MORC3: variants seen among roughly 807,000 people sequenced by gnomAD.
The protein encoded by MORC3 is MORC family CW-type zinc finger 3, also known as MORC family CW-type zinc finger protein 3.
MORC3 carries 31 observed loss-of-function variants against 109.1 expected under a neutral mutation model. The ratio of observed to expected loss-of-function variants is 0.28; its 90% CI spans 0.21 to 0.38. The LOEUF is 0.38. Among genes scored for constraint, MORC3 ranks in the 10% least tolerant of loss-of-function variants. The probability of loss-of-function intolerance (pLI) is 1.00; values close to 1 mark genes in which losing one functional copy is unlikely to be tolerated. For missense variants in MORC3, 867 were observed against 1,135.8 expected, an observed-to-expected ratio of 0.76 and a Z score of 3.40; for synonymous variants, 395 against 380.7, an observed-to-expected ratio of 1.04 and a Z score of -0.44.
intron 1 of MORC3, among the ~76,000 whole-genome samples, chr21:36,325,577 A>G (rs1460026113): frequency 6.6e-6 from 1 of 152,210 alleles, no homozygotes; most frequent in Admixed American, 6.5e-5. Flanking sequence ...CTTGTTGGGA[A>G]ACTAAAACCC....
chr21:36,348,796 G>C (rs1216985338), intron 8 of MORC3, among the ~76,000 whole-genome samples: 6 of 152,148 alleles, frequency 3.9e-5, no homozygotes, highest in Non-Finnish European at 8.8e-5. Flanking sequence ...TTTTGAGGAA[G>C]GCTCTAGTGT....
chr21:36,370,612 CATATATATATAT>C (rs1182720624), intron 15 of MORC3, among the ~76,000 whole-genome samples: 2 of 46,162 alleles, frequency 4.3e-5, no homozygotes, highest in African/African-American at 2.2e-4. Flanking sequence ...TACATACATA[CATATATATATAT>C]ATATATATAT....
intron 2 of MORC3, among the ~76,000 whole-genome samples, chr21:36,334,823 T>A (rs1421610293): frequency 6.6e-6 from 1 of 152,166 alleles, no homozygotes; most frequent in African/African-American, 2.4e-5. Context: ...TCATGATTTT[T>A]TTCTTGGGAA....
chr21:36,321,733 C>A (rs1370481300), intron 1 of MORC3, among the ~76,000 whole-genome samples: 1 of 152,100 alleles, frequency 6.6e-6, no homozygotes, highest in Non-Finnish European at 1.5e-5. Context: ...CCCCACTTCT[C>A]TCTCCTTCCT....
chr21:36,333,997 C>T (rs1445722731), intron 2 of MORC3, among the ~76,000 whole-genome samples: 2 of 151,870 alleles, frequency 1.3e-5, no homozygotes, highest in Non-Finnish European at 2.9e-5. Context: ...CTGTGTTAGC[C>T]AGGATGGTCT....
chr21:36,330,165 G>A (rs2085299104), intron 1 of MORC3, among the ~76,000 whole-genome samples: 1 of 151,912 alleles, frequency 6.6e-6, no homozygotes, highest in African/African-American at 2.4e-5. Flanking sequence ...CCCGTCCTGA[G>A]CCACCGCACC....
chr21:36,327,155 C>A (rs143644311), intron 1 of MORC3, among the ~76,000 whole-genome samples: 33 of 81,942 alleles, frequency 4.0e-4, no homozygotes, highest in Non-Finnish European at 6.1e-4. Flanking sequence ...GGCTTTATTT[C>A]TTTTTTTTTT....
intron 1 of MORC3, among the ~76,000 whole-genome samples, chr21:36,330,350 A>T (rs554948258): frequency 6.6e-6 from 1 of 152,248 alleles, no homozygotes; most frequent in East Asian, 1.9e-4. Context: ...TCTTAACCCA[A>T]ACATTTCCTC....
chr21:36,353,331 T>G (rs1451870438), intron 9 of MORC3, among the ~76,000 whole-genome samples: 1 of 131,854 alleles, frequency 7.6e-6, no homozygotes, highest in Non-Finnish European at 1.5e-5. Flanking sequence ...CATTCCAGTT[T>G]GGTGACAGAG....
chr21:36,331,918 T>A (rs1458284536), intron 1 of MORC3, among the ~76,000 whole-genome samples: 1 of 151,990 alleles, frequency 6.6e-6, no homozygotes, highest in Admixed American at 6.6e-5. Context: ...TGTGGGAGGA[T>A]CACTTGAGGC....
At chr21:36,336,074 C>T (rs1418847256) in intron 2 of MORC3, among the ~76,000 whole-genome samples, 4 of 151,300 alleles carry the variant, frequency 2.6e-5, no homozygotes, top group Non-Finnish European at 4.4e-5. Flanking sequence ...TATAGGTGCC[C>T]GCCACCATGC....
chr21:36,354,591 C>T (rs2085624482), intron 9 of MORC3, among the ~76,000 whole-genome samples: 1 of 152,170 alleles, frequency 6.6e-6, no homozygotes, highest in Non-Finnish European at 1.5e-5. Context: ...GCGTGAGCCA[C>T]CGTGCCCAGT....
intron 1 of MORC3, among the ~76,000 whole-genome samples, chr21:36,327,302 G>A (rs777012317): frequency 2.0e-5 from 3 of 150,896 alleles, no homozygotes; most frequent in Admixed American, 1.3e-4. Context: ...GATTACAGGC[G>A]CTCACCACCA....
Position 36,364,199 on chromosome 21 carries a change from A to G in MORC3, c.1559A>G (p.Tyr520Cys). The G allele has an allele frequency of 6.2e-7, 1 of 1,614,178 alleles. No individual in the cohort carries two copies. The highest frequency in any genetic ancestry group is 8.5e-7 in the Non-Finnish European group (1 of 1,180,016). Residue 520 changes from tyrosine to cysteine, a missense_variant, in exon 14 of 17, where the codon TAT (tyrosine) becomes TGT (cysteine). By Grantham distance (194) the Tyr-to-Cys change is radical. Coordinates refer to ENST00000400485, the MANE Select transcript of MORC3 (RefSeq NM_015358.3). ...RRHLSEGTNS[Y>C]ATRLLNNHQV... ...CATCTTTCAGAAGGAACAAATTCTT[A>G]TGCGACAAGACTTCTAAATAATCAT...
chr21:36,359,901 A>G (rs1038571953), intron 10 of MORC3, 54 bp from the exon 11 acceptor site: 4 of 1,592,168 alleles, frequency 2.5e-6, no homozygotes, highest in Non-Finnish European at 3.4e-6. Context: ...ACATCTGATG[A>G]AGTATTTAGA....
intron 10 of MORC3, 145 bp downstream of exon 10, chr21:36,356,869 C>T (rs1765770673): frequency 4.0e-6 from 2 of 496,618 alleles, no homozygotes; most frequent in Non-Finnish European, 7.3e-6. Flanking sequence ...ACTGCAAAAT[C>T]AGTGAATAGA....
rs921024965 is a variant in MORC3, at chr21:36,338,770, A to G, written c.461-4A>G. 2.5e-6 allele frequency: 4 copies of G among 1,612,242 alleles called. No homozygotes were observed. The highest frequency in any genetic ancestry group is 1.7e-4 in the Middle Eastern group (1 of 6,052). On this transcript the variant is annotated splice_region_variant and splice_polypyrimidine_tract_variant and intron_variant, in intron 4 of 16. Transcript: ENST00000400485. Reference sequence around the variant, plus strand: ...TCAATCTGAGTCTTTAACTTATGATATACGACAGATGATTAATTTAGCAGA... The same window carrying G: ...TCAATCTGAGTCTTTAACTTATGATGTACGACAGATGATTAATTTAGCAGA...
intron 1 of MORC3, among the ~76,000 whole-genome samples, chr21:36,325,253 T>A (rs1396268505): frequency 6.6e-6 from 1 of 152,180 alleles, no homozygotes; most frequent in East Asian, 1.9e-4. Flanking sequence ...AAAAACAAGA[T>A]GCTATCCAGA....
At chr21:36,360,517 A>C (rs915725291) in intron 12 of MORC3, 1 of 431,850 alleles carries the variant, frequency 2.3e-6, no homozygotes, top group African/African-American at 3.5e-5. Flanking sequence ...ATGCAGAGGA[A>C]TCATTAGTGA....
Sources: allele counts gnomAD v4.1 joint callset (sites outside exome capture counted in the v4.1 genomes callset), GRCh38; gene constraint gnomAD v4.1.1; transcripts MANE v1.5; gene names NCBI Gene and HGNC (gene_info 2026-07-23, HGNC 2026-07-21).